LRBA: variants seen among roughly 807,000 people sequenced by gnomAD.
The protein encoded by LRBA is lipopolysaccharide-responsive and beige-like anchor protein.
Under a neutral mutation model 330.0 loss-of-function variants are expected in LRBA, and 176 were observed. That is an observed-to-expected ratio of 0.53 (90% CI 0.47 to 0.60). The LOEUF (loss-of-function observed/expected upper bound fraction) is 0.60, where lower values mean the gene tolerates loss of function less well. LRBA is among the 20% of genes least tolerant of loss of function. The pLI is 0.00. For synonymous variants in LRBA, 1,230 were observed against 1,193.0 expected, an observed-to-expected ratio of 1.03 and a Z score of -0.64; for missense variants, 3,259 against 3,444.8, an observed-to-expected ratio of 0.95 and a Z score of 1.35.
At chr4:150,824,577 T>A (rs976367153) in intron 30 of LRBA, among the ~76,000 whole-genome samples, 1 of 152,176 alleles carries the variant, frequency 6.6e-6, no homozygotes, top group Admixed American at 6.6e-5. Context: ...TATTGTGTTA[T>A]GTTCCCTCTA....
At chr4:151,003,590 T>C (rs891253031) in intron 2 of LRBA, among the ~76,000 whole-genome samples, 2 of 151,428 alleles carry the variant, frequency 1.3e-5, no homozygotes, top group Non-Finnish European at 2.9e-5. Context: ...CTGGGCAACA[T>C]AGTGAGACAA....
chr4:150,649,433 G>A (rs990900081), intron 37 of LRBA, among the ~76,000 whole-genome samples: 5 of 152,180 alleles, frequency 3.3e-5, no homozygotes, highest in Middle Eastern at 3.4e-3. Context: ...TGCTTTCTAC[G>A]CTTTCACTTA....
Position 150,955,336 on chromosome 4 carries a change from A to G in LRBA, c.217-26271T>C, listed in dbSNP as rs1561054178. ...CACTGAGATGAATGAAAATGAAGAT[A>G]CAACATGACAAAATGTATGGAATGT... On this transcript the variant is annotated intron_variant, in intron 2 of 56. Coordinates refer to ENST00000651943, the MANE Select transcript of LRBA (RefSeq NM_001364905.1). Among the ~76,000 whole-genome samples, 3 of 149,500 alleles carry G rather than the reference A, an allele frequency of 2.0e-5. No individual in the cohort carries two copies. In the South Asian group the frequency reaches 6.2e-4, roughly 31 times the overall value.
intron 40 of LRBA, among the ~76,000 whole-genome samples, chr4:150,514,157 C>T (rs1762102258): frequency 6.6e-6 from 1 of 152,200 alleles, no homozygotes; most frequent in Non-Finnish European, 1.5e-5. Context: ...ACTGCAACCT[C>T]CGCCTCCCGA....
chr4:150,595,625 A>T (rs1342498386), intron 38 of LRBA, among the ~76,000 whole-genome samples: 1 of 152,078 alleles, frequency 6.6e-6, no homozygotes, highest in South Asian at 2.1e-4. Context: ...CATTTTTTAC[A>T]TGTCTTTAAT....
intron 38 of LRBA, 139 bp from the exon 39 acceptor site, chr4:150,590,998 T>C (rs1351335241): frequency 1.1e-5 from 8 of 698,186 alleles, no homozygotes; most frequent in Non-Finnish European, 4.7e-6. Context: ...GAGAAAGTGA[T>C]TGGGATGGCA....
intron 30 of LRBA, among the ~76,000 whole-genome samples, chr4:150,825,019 C>T (rs183409565): frequency 6.6e-6 from 1 of 151,876 alleles, no homozygotes; most frequent in East Asian, 1.9e-4. Flanking sequence ...CCCACCTCAG[C>T]CCACAAAATG....
Position 150,850,770 on chromosome 4 carries a change from T to C in LRBA, c.3958A>G (p.Thr1320Ala). The C allele has an allele frequency of 6.2e-7, 1 of 1,613,506 alleles. No individual in the cohort carries two copies. The highest frequency in any genetic ancestry group is 1.1e-5 in the South Asian group (1 of 91,038). The change falls in exon 24 of 57, where the codon ACT becomes GCT. Residue 1320 changes from threonine to alanine, a missense_variant. Physicochemically the swap from Thr to Ala is moderately conservative, Grantham distance 58 (BLOSUM62 0). Transcript: ENST00000651943. ...GTTTCTATTGAAAATAATAGATCAG[T>C]GAGCAAACGTTGATGCATCTGAGAC... ...NWSQMHQRLLTDLLFSIETDI... is the reference protein window; with the variant it reads ...NWSQMHQRLLADLLFSIETDI...
chr4:150,423,243 G>A lies in LRBA; in HGVS notation c.7042-7653C>T, dbSNP rs371364212. 1.7e-5 allele frequency: 21 copies of A among 1,235,924 alleles called. 1 individual carries two copies. In the African/African-American group the frequency reaches 2.5e-4, roughly 15 times the overall value. The allele number at this position is 1,235,924 out of a possible 1,614,324, so 76.6% of individuals were successfully genotyped here. A position where few individuals can be genotyped will look rare whatever the true frequency, so the allele number is the denominator to read the frequency against. On this transcript the variant is annotated intron_variant, in intron 46 of 56. Transcript: ENST00000651943. ...CCCAAACGCTGCCAAGCAAACAAGA[G>A]CTGACACGCAGCCGCCTCCCAGCAT...
At chr4:150,465,369 T>C (rs1755313503) in intron 44 of LRBA, among the ~76,000 whole-genome samples, 2 of 152,158 alleles carry the variant, frequency 1.3e-5, no homozygotes, top group Non-Finnish European at 2.9e-5. Flanking sequence ...AATATGAACA[T>C]GGGTGTAAAA....
At chr4:150,770,964 A>T in intron 34 of LRBA, among the ~76,000 whole-genome samples, 1 of 152,180 alleles carries the variant, frequency 6.6e-6, no homozygotes, top group East Asian at 1.9e-4. Flanking sequence ...ATTTCCCCAC[A>T]GTAGTCAGGA....
intron 37 of LRBA, among the ~76,000 whole-genome samples, chr4:150,681,981 A>G (rs138112180): frequency 6.6e-6 from 1 of 152,310 alleles, no homozygotes; most frequent in African/African-American, 2.4e-5. Context: ...TGTATATACT[A>G]TGCTATACAA....
rs57037174 is a variant in LRBA, at chr4:150,807,628, T to TTTG, written c.5384+689_5384+691dup. Among the ~76,000 whole-genome samples, 1,432 of 149,748 alleles carry TTTG rather than the reference T, an allele frequency of 9.6e-3. 46 individuals carry two copies. The South Asian group carries it at 0.13, about 14-fold the overall frequency. On this transcript the variant is annotated intron_variant, in intron 32 of 56. Coordinates refer to ENST00000651943, the MANE Select transcript of LRBA (RefSeq NM_001364905.1). ...GACTGGCTATCACTTATATCAGCAT[T>TTTG]TTGTTGTTGTTGTTGTTGTTGTTGT... is the stretch of plus-strand genomic sequence containing the variant.
chr4:150,700,792 G>A (rs1465198846), intron 36 of LRBA, among the ~76,000 whole-genome samples: 5 of 146,922 alleles, frequency 3.4e-5, no homozygotes, highest in Admixed American at 6.9e-5. Flanking sequence ...TCTTGCTCTG[G>A]TGAGACAGAG....
At chr4:150,963,971 G>A (rs1394195338) in intron 2 of LRBA, among the ~76,000 whole-genome samples, 3 of 146,928 alleles carry the variant, frequency 2.0e-5, no homozygotes, top group Admixed American at 1.3e-4. Flanking sequence ...TGGGAACTGA[G>A]GAGTGTCTCT....
intron 2 of LRBA, among the ~76,000 whole-genome samples, chr4:150,931,039 T>C (rs1010549344): frequency 1.3e-5 from 2 of 152,232 alleles, no homozygotes; most frequent in Admixed American, 6.5e-5. Context: ...AATATGTTGT[T>C]TGTAAATTTT....
intron 4 of LRBA, among the ~76,000 whole-genome samples, chr4:150,924,001 A>G (rs990760824): frequency 6.6e-6 from 1 of 152,256 alleles, no homozygotes; most frequent in Non-Finnish European, 1.5e-5. Flanking sequence ...AATCACAGTG[A>G]TTTTTTAAAA....
chr4:150,945,120 C>G (rs1283335945), intron 2 of LRBA, among the ~76,000 whole-genome samples: 1 of 152,154 alleles, frequency 6.6e-6, no homozygotes, highest in Non-Finnish European at 1.5e-5. Flanking sequence ...CTGGAAAGTT[C>G]TTTTTTTCCA....
intron 17 of LRBA, among the ~76,000 whole-genome samples, chr4:150,876,225 T>C (rs190825326): frequency 3.9e-5 from 6 of 152,278 alleles, no homozygotes; most frequent in African/African-American, 1.4e-4. Context: ...AATATAAGAC[T>C]ATGCAAAGCA....
Sources: gnomAD v4.1 joint callset for allele counts (sites outside exome capture counted in the v4.1 genomes callset) on GRCh38, gnomAD v4.1.1 for gene constraint, MANE v1.5 for transcripts, NCBI Gene and HGNC (gene_info 2026-07-23, HGNC 2026-07-21) for gene names.